Variants in ERGIC1 observed in about 807,000 individuals in gnomAD.
ERGIC1 encodes endoplasmic reticulum-Golgi intermediate compartment protein 1.
A neutral mutation model predicts 38.3 loss-of-function variants in ERGIC1; 19 were observed. The observed-to-expected ratio is 0.50, with a 90% CI of 0.35 to 0.73. The LOEUF is 0.73. Among genes scored for constraint, ERGIC1 ranks in the 30% least tolerant of loss-of-function variants. The pLI, the probability that ERGIC1 is intolerant of heterozygous loss-of-function variation, is 0.01. For synonymous variants in ERGIC1, 124 were observed against 157.6 expected (o/e 0.79, Z 1.60); for missense variants, 294 against 389.2 (o/e 0.76, Z 2.06).
rs1317502924 is a variant in ERGIC1, at chr5:172,857,418, G to T, written c.20+22985G>T. On this transcript the variant is annotated intron_variant, in intron 1 of 9. Transcript: ENST00000393784. ...TATAAATATGCGTTCCTTCCTTGCA[G>T]ACATGCCTGCGGGAGGAGACTTCTC... Among the ~76,000 whole-genome samples, 3 of 152,284 alleles carry T rather than the reference G, an allele frequency of 2.0e-5. No individual in the cohort carries two copies. The East Asian group carries it at 5.8e-4, about 29-fold the overall frequency.
At chr5:172,931,635 G>A (rs1241886846) in intron 7 of ERGIC1, among the ~76,000 whole-genome samples, 2 of 152,210 alleles carry the variant, frequency 1.3e-5, no homozygotes, top group Non-Finnish European at 2.9e-5. Flanking sequence ...TTCAGACAAT[G>A]TCAGAGGATG....
chr5:172,837,615 GCTT>G lies in ERGIC1; in HGVS notation c.20+3184_20+3186del, dbSNP rs1022243640. On this transcript the variant is annotated intron_variant, in intron 1 of 9. Transcript: ENST00000393784. This position sits in a 1 kb window ranked among gnomAD's most constrained non-coding sequence, Gnocchi z 4.3. ...AGACATGACGTGACTTGATATGCCA[GCTT>G]CAGTGGGCAGATTTTCAGCCATTAG... 2.0e-5 allele frequency among the ~76,000 whole-genome samples: 3 copies of G among 152,214 alleles called. No individual in the cohort carries two copies. Among genetic ancestry groups the G allele is most frequent in the African/African-American group, 7.2e-5 (3 of 41,454 alleles).
chr5:172,898,275 G>C (rs1255233035), intron 3 of ERGIC1: 1 of 161,966 alleles, frequency 6.2e-6, no homozygotes, highest in Non-Finnish European at 1.3e-5. Flanking sequence ...ACCACCTTTA[G>C]TTCTCAAACA....
chr5:172,873,080 G>A (rs568484340), intron 1 of ERGIC1, among the ~76,000 whole-genome samples: 3 of 152,330 alleles, frequency 2.0e-5, no homozygotes, highest in East Asian at 3.9e-4. Context: ...TCCAGTCCCC[G>A]GAATAGCTCC....
At chr5:172,855,403 C>CA (rs1450509710) in intron 1 of ERGIC1, among the ~76,000 whole-genome samples, 2 of 152,158 alleles carry the variant, frequency 1.3e-5, no homozygotes, top group Non-Finnish European at 2.9e-5. Flanking sequence ...CCCATTTGCT[C>CA]ACTCAGTCAT....
chr5:172,848,451 C>G (rs1360983290), intron 1 of ERGIC1, among the ~76,000 whole-genome samples: 2 of 152,210 alleles, frequency 1.3e-5, no homozygotes, highest in African/African-American at 4.8e-5. Context: ...TCCCAGACTG[C>G]CTCTTCAACC....
At chr5:172,891,392 T>A (rs1395721561) in intron 2 of ERGIC1, among the ~76,000 whole-genome samples, 3 of 152,174 alleles carry the variant, frequency 2.0e-5, no homozygotes, top group African/African-American at 7.2e-5. Context: ...GTCTGGTATG[T>A]TTAACAGTCA....
chr5:172,926,542 G>A lies in ERGIC1; in HGVS notation c.514G>A (p.Gly172Arg), dbSNP rs147572946. ...QNIHGAFNAL[G>R]GADRLTSNPL... Reference sequence around the variant, plus strand: ...CATCCACGGAGCTTTCAATGCTCTCGGGGGAGCAGACAGACTCACCTCCAA... The same window carrying A: ...CATCCACGGAGCTTTCAATGCTCTCAGGGGAGCAGACAGACTCACCTCCAA... The change falls in exon 7 of 10, where the codon GGG becomes AGG. Residue 172 changes from glycine to arginine, a missense_variant. Physicochemically the swap from Gly to Arg is moderately radical, Grantham distance 125. Transcript: ENST00000393784. This position sits in a 1 kb window ranked among gnomAD's most constrained non-coding sequence, Gnocchi z 5.2. 6 of 1,613,064 alleles carry A rather than the reference G, an allele frequency of 3.7e-6. No homozygotes were observed. The African/African-American group carries it at 5.3e-5, about 14-fold the overall frequency.
intron 1 of ERGIC1, among the ~76,000 whole-genome samples, chr5:172,860,746 G>C (rs546024675): frequency 4.7e-4 from 71 of 152,360 alleles, no homozygotes; most frequent in South Asian, 3.7e-3. Flanking sequence ...TGGAGCTGCA[G>C]ATCCATGGTG....
intron 1 of ERGIC1, among the ~76,000 whole-genome samples, chr5:172,866,707 G>A (rs1021412300): frequency 1.7e-4 from 26 of 152,366 alleles, no homozygotes; most frequent in Admixed American, 1.7e-3. Context: ...TGGCAGAGCT[G>A]GGACTTGAAC....
At chr5:172,938,682 G>A (rs1293996687) in intron 9 of ERGIC1, among the ~76,000 whole-genome samples, 2 of 151,582 alleles carry the variant, frequency 1.3e-5, no homozygotes, top group East Asian at 3.9e-4. Context: ...AAACCCAGAA[G>A]GCGGACGTTG....
At chr5:172,842,988 A>G (rs1218748422) in intron 1 of ERGIC1, among the ~76,000 whole-genome samples, 1 of 152,152 alleles carries the variant, frequency 6.6e-6, no homozygotes, top group Non-Finnish European at 1.5e-5. Flanking sequence ...TACTAAAAAT[A>G]CAAAAATTAG....
chr5:172,883,058 G>A (rs1762324143), intron 1 of ERGIC1, among the ~76,000 whole-genome samples: 1 of 152,150 alleles, frequency 6.6e-6, no homozygotes, highest in African/African-American at 2.4e-5. Flanking sequence ...TCAGCCTCCT[G>A]AGTAACTGGG....
At position 172,950,726 on chromosome 5, in the gene ERGIC1, C is replaced by A. The variant is rs149429876; in HGVS notation, c.783C>A (p.Gly261=). Residue 261 remains glycine (G), a synonymous_variant, in exon 10 of 10, where the codon GGC becomes GGA. Transcript: ENST00000393784. ...RFITTICAII[G]GTFTVAGILD... is the part of the protein sequence containing the mutation. ...TCTTGCAGATCTGTGCCATCATTGG[C>A]GGGACCTTCACCGTCGCCGGCATCC... The A allele has an allele frequency of 1.9e-6, 3 of 1,612,556 alleles. No individual in the cohort carries two copies. The highest frequency in any genetic ancestry group is 1.1e-5 in the South Asian group (1 of 90,846).
At chr5:172,859,057 C>T (rs950835726) in intron 1 of ERGIC1, among the ~76,000 whole-genome samples, 10 of 152,154 alleles carry the variant, frequency 6.6e-5, no homozygotes, top group East Asian at 1.9e-4. Flanking sequence ...GGGTCGTCAT[C>T]GGCGCCCTTA....
intron 8 of ERGIC1, chr5:172,933,797 C>T (rs1351628762): frequency 1.3e-5 from 2 of 152,158 alleles, no homozygotes; most frequent in Non-Finnish European, 2.9e-5. Flanking sequence ...AGCTATTGAC[C>T]CCGGACATGT....
At chr5:172,918,944 C>T (rs913144081) in intron 5 of ERGIC1, among the ~76,000 whole-genome samples, 1 of 152,154 alleles carries the variant, frequency 6.6e-6, no homozygotes, top group Admixed American at 6.5e-5. Flanking sequence ...CCCACCACGC[C>T]CCTCATCACG....
At chr5:172,836,687 C>T (rs1761045292) in intron 1 of ERGIC1, among the ~76,000 whole-genome samples, 1 of 152,164 alleles carries the variant, frequency 6.6e-6, no homozygotes, top group Admixed American at 6.5e-5. Context: ...GCCACAGGCC[C>T]CACCGTGAGG....
intron 3 of ERGIC1, among the ~76,000 whole-genome samples, chr5:172,909,006 C>T (rs1260082068): frequency 2.6e-5 from 4 of 152,082 alleles, no homozygotes; most frequent in Non-Finnish European, 5.9e-5. Flanking sequence ...CCACCTTATT[C>T]GTAGTGGGTG....
Sources: gnomAD v4.1 joint callset for allele counts (sites outside exome capture counted in the v4.1 genomes callset) on GRCh38, gnomAD v4.1.1 for gene constraint, Gnocchi (gnomAD v3.1) non-coding constraint, MANE v1.5 for transcripts, NCBI Gene and HGNC (gene_info 2026-07-23, HGNC 2026-07-21) for gene names.